LRP5: variants seen among roughly 807,000 people sequenced by gnomAD.
The protein encoded by LRP5 is low-density lipoprotein receptor-related protein 5.
LRP5 carries 62 observed loss-of-function variants against 154.1 expected under a neutral mutation model. That is an observed-to-expected ratio of 0.40 (90% CI 0.33 to 0.50). The LOEUF (loss-of-function observed/expected upper bound fraction) is 0.50. Ranked by LOEUF, LRP5 falls within the 20% of genes least tolerant of loss-of-function variation. The pLI is 0.55. For synonymous variants in LRP5, 966 were observed against 1,011.5 expected, an observed-to-expected ratio of 0.96 and a Z score of 0.85; for missense variants, 1,915 against 2,336.7, an observed-to-expected ratio of 0.82 and a Z score of 3.72.
At chr11:68,331,210 G>C (rs1052311643) in intron 1 of LRP5, among the ~76,000 whole-genome samples, 8 of 152,236 alleles carry the variant, frequency 5.3e-5, no homozygotes, top group African/African-American at 1.9e-4. Flanking sequence ...CGGGTAAGTG[G>C]AGTTGTGCCT....
In LRP5 at chr11:68,371,683, G is replaced by A. The variant is rs1471943918; in HGVS notation, c.1015+5981G>A. 4.6e-5 allele frequency among the ~76,000 whole-genome samples: 7 copies of A among 152,244 alleles called. No individual in the cohort carries two copies. In the South Asian group the frequency reaches 1.2e-3, roughly 27 times the overall value. ...GGCTGCTGACGGGACGCCTCGCCTC[G>A]ACTGAAAACTACCTGGAGCTGCTCA... On this transcript the variant is annotated intron_variant, in intron 5 of 22. Coordinates refer to ENST00000294304, the MANE Select transcript of LRP5 (RefSeq NM_002335.4).
intron 7 of LRP5, among the ~76,000 whole-genome samples, chr11:68,393,791 A>G (rs2098647712): frequency 6.6e-6 from 1 of 152,238 alleles, no homozygotes; most frequent in Non-Finnish European, 1.5e-5. Flanking sequence ...AAAATAAAAC[A>G]AAAATAAAAA....
intron 16 of LRP5, among the ~76,000 whole-genome samples, chr11:68,427,013 G>C (rs2098669149): frequency 1.3e-5 from 2 of 152,116 alleles, no homozygotes. Context: ...GGGGCTCCCT[G>C]CGTCAGTCCC....
chr11:68,438,001 G>T (rs1356623893), intron 19 of LRP5, among the ~76,000 whole-genome samples: 1 of 152,228 alleles, frequency 6.6e-6, no homozygotes, highest in Non-Finnish European at 1.5e-5. Flanking sequence ...CCTATGGGCA[G>T]CCTTGATAGT....
In LRP5 at chr11:68,414,012, C is replaced by T. The variant is rs776554205; in HGVS notation, c.2827C>T (p.Pro943Ser). The change falls in exon 12 of 23, where the codon CCG becomes TCG. Residue 943 changes from proline to serine, a missense_variant and splice_region_variant. By Grantham distance (74) the Pro-to-Ser change is moderately conservative. Transcript: ENST00000294304. Reference protein sequence around the residue: ...TLDPSSRNCSPPTTFLLFSQK... With the variant: ...TLDPSSRNCSSPTTFLLFSQK... ...GGACCCCAGCAGCCGCAACTGCAGC[C>T]GTAAGTGCCTCATGGTCCCCCGCAC... The T allele has an allele frequency of 3.1e-5, 50 of 1,603,492 alleles. No individual in the cohort carries two copies. The highest frequency in any genetic ancestry group is 4.5e-5 in the East Asian group (2 of 44,850).
chr11:68,337,276 G>C (rs1031156956), intron 1 of LRP5, among the ~76,000 whole-genome samples: 2 of 152,220 alleles, frequency 1.3e-5, no homozygotes, highest in African/African-American at 4.8e-5. Context: ...TTGGCATCAG[G>C]AGCTTTGGCA....
intron 1 of LRP5, among the ~76,000 whole-genome samples, chr11:68,336,026 G>C (rs2098605493): frequency 6.6e-6 from 1 of 152,210 alleles, no homozygotes. Flanking sequence ...GACTGTACGT[G>C]TATATCCTAC....
Position 68,411,625 on chromosome 11 carries a change from G to T in LRP5, c.2503+5G>T. 6.2e-7 allele frequency: 1 copy of T among 1,606,776 alleles called. No homozygotes were observed. ...TCGAGTCGTCCAACATGCTGGGTGA[G>T]GGCCGGGCTGGGGCCTTCTGGTCAT... On this transcript the variant is annotated splice_donor_5th_base_variant and intron_variant, in intron 11 of 22. Transcript: ENST00000294304.
At chr11:68,394,762 C>T (rs1591272527) in intron 7 of LRP5, among the ~76,000 whole-genome samples, 1 of 152,204 alleles carries the variant, frequency 6.6e-6, no homozygotes. Context: ...CCGCGCCCGG[C>T]CCGATTTCCC....
At chr11:68,388,551 T>A (rs1277323318) in intron 6 of LRP5, among the ~76,000 whole-genome samples, 2 of 152,060 alleles carry the variant, frequency 1.3e-5, no homozygotes, top group Non-Finnish European at 2.9e-5. Context: ...CCTTCACCCC[T>A]GAGCTGCCAC....
chr11:68,390,250 G>A (rs1380992903), intron 7 of LRP5, among the ~76,000 whole-genome samples, 198 bp downstream of exon 7: 3 of 152,234 alleles, frequency 2.0e-5, no homozygotes, highest in Admixed American at 6.5e-5. Flanking sequence ...CTGTGGTTAC[G>A]TAAGATGTTA....
At chr11:68,415,582 C>T (rs1185587054) in intron 12 of LRP5, among the ~76,000 whole-genome samples, 1 of 150,538 alleles carries the variant, frequency 6.6e-6, no homozygotes, top group Non-Finnish European at 1.5e-5. Flanking sequence ...TCCATCTCTA[C>T]TAAAAATACA....
chr11:68,378,594 T>C (rs2098638691), intron 5 of LRP5, among the ~76,000 whole-genome samples: 1 of 152,108 alleles, frequency 6.6e-6, no homozygotes, highest in African/African-American at 2.4e-5. Flanking sequence ...GGCTTTTTTT[T>C]CCTCTTATAA....
At chr11:68,306,665 A>G in the LRP5 span, among the ~76,000 whole-genome samples, 1 of 152,264 alleles carries the variant, frequency 6.6e-6, no homozygotes, top group East Asian at 1.9e-4. Context: ...ATGAGAATGA[A>G]GCCTGAATGT....
At chr11:68,420,315 T>C (rs1224556843) in intron 13 of LRP5, among the ~76,000 whole-genome samples, 3 of 152,222 alleles carry the variant, frequency 2.0e-5, no homozygotes, top group Non-Finnish European at 4.4e-5. Flanking sequence ...TATTTGCCCT[T>C]GTGTGACTGG....
chr11:68,370,359 GA>G (rs1234916815), intron 5 of LRP5, among the ~76,000 whole-genome samples: 8 of 152,098 alleles, frequency 5.3e-5, no homozygotes, highest in Admixed American at 6.5e-5. Context: ...AAGCGGGGGA[GA>G]GGGGGGGACA....
chr11:68,304,123 T>G, the LRP5 span, among the ~76,000 whole-genome samples: 1 of 152,056 alleles, frequency 6.6e-6, no homozygotes, highest in African/African-American at 2.4e-5. Context: ...TCCACAACCC[T>G]CCCATCACAG....
At chr11:68,403,814 G>T in intron 8 of LRP5, 115 bp downstream of exon 8, 1 of 1,245,142 alleles carries the variant, frequency 8.0e-7, no homozygotes, top group Non-Finnish European at 1.1e-6. Context: ...CCTGGGGAAG[G>T]GCAGGACAGG....
In LRP5 at chr11:68,406,676, A is replaced by G; in HGVS notation, c.1954A>G (p.Arg652Gly). The part of the protein sequence containing the change: ...VPEAFLVFTS[R>G]AAIHRISLET... ...TGAGGCCTTCTTGGTCTTCACCAGC[A>G]GAGCCGCCATCCACAGGATCTCCCT... The change falls in exon 9 of 23, where the codon AGA becomes GGA. Residue 652 changes from arginine to glycine, a missense_variant. By Grantham distance (125) the Arg-to-Gly change is moderately radical. Transcript: ENST00000294304. The G allele has an allele frequency of 6.2e-7, 1 of 1,614,202 alleles. No homozygotes were observed. The highest frequency in any genetic ancestry group is 8.5e-7 in the Non-Finnish European group (1 of 1,180,040).
Sources: allele counts gnomAD v4.1 joint callset (sites outside exome capture counted in the v4.1 genomes callset), GRCh38; gene constraint gnomAD v4.1.1; transcripts MANE v1.5; gene names NCBI Gene and HGNC (gene_info 2026-07-23, HGNC 2026-07-21).